ZNF157: variants seen among roughly 807,000 people sequenced by gnomAD.
ZNF157 encodes zinc finger protein 22.
A neutral mutation model predicts 9.4 loss-of-function variants in ZNF157; 8 were observed. That is an observed-to-expected ratio of 0.85 (90% CI 0.50 to 1.53). The LOEUF (loss-of-function observed/expected upper bound fraction) is 1.53. ZNF157 is among the 40% of genes most tolerant of loss of function. ZNF157 has a pLI of 0.00. For missense variants in ZNF157, 316 were observed against 385.2 expected (o/e 0.82, Z 1.50); for synonymous variants, 120 against 130.8 (o/e 0.92, Z 0.56).
chrX:47,408,882 G>A (rs749987050), intron 1 of ZNF157, among the ~76,000 whole-genome samples: 1 of 111,492 alleles, frequency 9.0e-6, no homozygotes, highest in Non-Finnish European at 1.9e-5. Context: ...CTCCCACCAG[G>A]CCCCACCTCC....
intron 1 of ZNF157, among the ~76,000 whole-genome samples, chrX:47,408,954 G>A (rs1480575867): frequency 5.4e-5 from 6 of 111,874 alleles, no homozygotes; most frequent in African/African-American, 1.6e-4. Context: ...AACCATATCA[G>A]GAATTTACTC....
chrX:47,397,241 C>CTTTTTTTTTTTTT (rs769178786), intron 1 of ZNF157, among the ~76,000 whole-genome samples: 6 of 77,786 alleles, frequency 7.7e-5, no homozygotes, highest in Non-Finnish European at 1.2e-4. Context: ...TTTTTTCTTT[C>CTTTTTTTTTTTTT]TTTTTTTTTT....
At chrX:47,398,576 C>T (rs1350136849) in intron 1 of ZNF157, among the ~76,000 whole-genome samples, 1 of 110,330 alleles carries the variant, frequency 9.1e-6, no homozygotes, top group African/African-American at 3.3e-5. Flanking sequence ...GGCACAATCT[C>T]GTCTCAATAC....
intron 1 of ZNF157, among the ~76,000 whole-genome samples, chrX:47,395,421 C>G (rs905878208): frequency 1.7e-4 from 19 of 111,619 alleles, no homozygotes; most frequent in African/African-American, 6.2e-4. Flanking sequence ...GATTGAATAA[C>G]TGGGGCATAT....
At chrX:47,388,996 A>G (rs748775048) in intron 1 of ZNF157, among the ~76,000 whole-genome samples, 29 of 109,186 alleles carry the variant, frequency 2.7e-4, no homozygotes, top group Non-Finnish European at 4.4e-4. Flanking sequence ...TTTTTAGTAG[A>G]GACAGGGTTT....
chrX:47,410,994 A>AT (rs749589277), intron 3 of ZNF157, among the ~76,000 whole-genome samples: 8,709 of 101,105 alleles, frequency 0.086, 979 homozygotes, highest in African/African-American at 0.29. Context: ...TTTTATCTTG[A>AT]TTTTTTTTTT....
intron 2 of ZNF157, 77 bp downstream of exon 2, chrX:47,410,479 AG>A: frequency 8.8e-7 from 1 of 1,139,426 alleles, no homozygotes; most frequent in Non-Finnish European, 1.2e-6. Context: ...CAGCCTTGCG[AG>A]GGTTTAATGA....
chrX:47,407,604 TTA>T (rs1336200289), intron 1 of ZNF157, among the ~76,000 whole-genome samples: 1 of 112,294 alleles, frequency 8.9e-6, no homozygotes, highest in East Asian at 2.8e-4. Context: ...GTTGGTGAAT[TTA>T]TGTGAATAAA....
At chrX:47,404,319 C>T (rs1218838951) in intron 1 of ZNF157, among the ~76,000 whole-genome samples, 1 of 108,935 alleles carries the variant, frequency 9.2e-6, no homozygotes, top group Non-Finnish European at 1.9e-5. Flanking sequence ...CGCGCACCAC[C>T]ATGCCCTGCT....
At chrX:47,387,650 C>A (rs1389591208) in intron 1 of ZNF157, among the ~76,000 whole-genome samples, 1 of 109,294 alleles carries the variant, frequency 9.1e-6, no homozygotes, top group Non-Finnish European at 1.9e-5. Context: ...CGCGGTGGCT[C>A]ACACTTGTAA....
At chrX:47,402,572 C>T (rs376283298) in intron 1 of ZNF157, among the ~76,000 whole-genome samples, 2 of 99,577 alleles carry the variant, frequency 2.0e-5, no homozygotes, top group Non-Finnish European at 4.0e-5. Flanking sequence ...CAGAGTCTTG[C>T]TCTGTCGCCC....
chrX:47,406,886 G>A (rs549848884), intron 1 of ZNF157, among the ~76,000 whole-genome samples: 2 of 111,985 alleles, frequency 1.8e-5, no homozygotes, highest in Admixed American at 1.9e-4. Context: ...TTTTGATTTC[G>A]AATAGGATTC....
intron 1 of ZNF157, among the ~76,000 whole-genome samples, chrX:47,372,447 T>A (rs895016030): frequency 9.1e-6 from 1 of 109,658 alleles, no homozygotes; most frequent in Non-Finnish European, 1.9e-5. Flanking sequence ...CCTTCCCACA[T>A]GCCTTGCCCT....
intron 1 of ZNF157, among the ~76,000 whole-genome samples, chrX:47,387,696 G>A (rs187860385): frequency 2.3e-4 from 25 of 108,470 alleles, no homozygotes; most frequent in African/African-American, 8.3e-4. Context: ...GTTCTCAGGA[G>A]TTCGAGACCA....
chrX:47,370,993 G>A (rs1017528807), intron 1 of ZNF157, among the ~76,000 whole-genome samples: 1 of 109,857 alleles, frequency 9.1e-6, no homozygotes, highest in African/African-American at 3.3e-5. Context: ...TCTTAACCCT[G>A]GGGCACCACC....
intron 1 of ZNF157, among the ~76,000 whole-genome samples, chrX:47,379,815 C>T (rs894067979): frequency 9.8e-6 from 1 of 101,778 alleles, no homozygotes; most frequent in Admixed American, 1.1e-4. Context: ...TTCTTTTGCT[C>T]CTTTGTCAAT....
chrX:47,402,219 AC>A (rs1305024499), intron 1 of ZNF157, among the ~76,000 whole-genome samples: 4 of 111,455 alleles, frequency 3.6e-5, no homozygotes, highest in Non-Finnish European at 5.6e-5. Flanking sequence ...GTTGTTTGTA[AC>A]ATATGTATCT....
At position 47,412,715 on chromosome X, in the gene ZNF157, G is replaced by A. The variant is rs1369400369; in HGVS notation, c.642G>A (p.Gly214=). ...TTGCTCATCAGAAAACTCACACAGG[G>A]GAGAGGCCCTTTGAATGTAATGAAT... ...YLIAHQKTHT[G]ERPFECNECG... is the part of the protein sequence containing the mutation. The change falls in exon 4 of 4, where the codon GGG becomes GGA. Residue 214 remains glycine, a synonymous_variant. Transcript: ENST00000377073. The A allele has an allele frequency of 8.3e-7, 1 of 1,209,483 alleles. No individual in the cohort carries two copies. The highest frequency in any genetic ancestry group is 1.8e-5 in the African/African-American group (1 of 57,056).
chrX:47,370,611 A>AC lies in ZNF157; in HGVS notation c.-55dup, dbSNP rs1393039175. The AC allele has an allele frequency of 9.1e-7, 1 of 1,095,502 alleles. No individual in the cohort carries two copies. The highest frequency in any genetic ancestry group is 2.1e-5 in the South Asian group (1 of 47,222). 90.3% of individuals were successfully genotyped at this position (1,095,502 alleles called of 1,213,427 possible). ...CTTACCCCTTACTGGAGGCTGCAGG[A>AC]CCCTCTACACACAGACAGCTGTCCA... On this transcript the variant is annotated 5_prime_UTR_variant, in exon 1 of 4. Transcript: ENST00000377073.
Sources: allele counts gnomAD v4.1 joint callset (sites outside exome capture counted in the v4.1 genomes callset), GRCh38; gene constraint gnomAD v4.1.1; transcripts MANE v1.5; gene names NCBI Gene and HGNC (gene_info 2026-07-23, HGNC 2026-07-21).